Variants in WSB2 observed in about 807,000 individuals in gnomAD.
WSB2 encodes the protein WD repeat and SOCS box containing 2.
WSB2 carries 12 observed loss-of-function variants against 48.8 expected under a neutral mutation model. The observed-to-expected ratio is 0.25, with a 90% confidence interval of 0.16 to 0.40. WSB2 has a LOEUF of 0.40. Among genes scored for constraint, WSB2 ranks in the 10% least tolerant of loss-of-function variants. The probability of loss-of-function intolerance (pLI) is 1.00; values close to 1 mark genes in which losing one functional copy is unlikely to be tolerated. For missense variants in WSB2, 317 were observed against 506.2 expected, an observed-to-expected ratio of 0.63 and a Z score of 3.59; for synonymous variants, 191 against 203.1, an observed-to-expected ratio of 0.94 and a Z score of 0.51.
chr12:118,045,714 GAA>G (rs796232418), intron 2 of WSB2, among the ~76,000 whole-genome samples: 2,337 of 72,100 alleles, frequency 0.032, 54 homozygotes, highest in African/African-American at 0.096. Flanking sequence ...CTGTCTCAAA[GAA>G]AAAAAAAAAA....
At chr12:118,036,603 G>A (rs1443505537) in intron 5 of WSB2, 93 bp from the exon 6 acceptor site, 3 of 1,352,994 alleles carry the variant, frequency 2.2e-6, no homozygotes, top group East Asian at 4.7e-5. Context: ...AAATCTGCAG[G>A]CCCTGCAGCC....
chr12:118,048,140 G>A (rs1787341720), intron 2 of WSB2, among the ~76,000 whole-genome samples: 2 of 152,038 alleles, frequency 1.3e-5, no homozygotes, highest in Admixed American at 6.6e-5. Flanking sequence ...CGTTGCCCAT[G>A]CTGATCTAGA....
chr12:118,051,659 A>T (rs1309452394), intron 2 of WSB2, among the ~76,000 whole-genome samples: 6 of 152,214 alleles, frequency 3.9e-5, no homozygotes, highest in Non-Finnish European at 7.3e-5. Flanking sequence ...TTCTGAGGAA[A>T]TAAAGATATT....
At chr12:118,038,180 T>C in intron 5 of WSB2, 108 bp downstream of exon 5, 2 of 1,035,426 alleles carry the variant, frequency 1.9e-6, no homozygotes, top group South Asian at 1.8e-5. Flanking sequence ...CAGCATGCCT[T>C]CTATTGGGGT....
At chr12:118,053,800 G>A (rs1192502257) in intron 1 of WSB2, among the ~76,000 whole-genome samples, 1 of 152,162 alleles carries the variant, frequency 6.6e-6, no homozygotes, top group Non-Finnish European at 1.5e-5. Context: ...ACTTCCTGAT[G>A]TGTCCATTCC....
At chr12:118,051,276 A>G (rs2031847498) in intron 2 of WSB2, among the ~76,000 whole-genome samples, 1 of 152,198 alleles carries the variant, frequency 6.6e-6, no homozygotes, top group African/African-American at 2.4e-5. Flanking sequence ...TCTGGAAAAC[A>G]GTCTGACACC....
chr12:118,047,137 A>G (rs780053034), intron 2 of WSB2, among the ~76,000 whole-genome samples: 3 of 152,212 alleles, frequency 2.0e-5, no homozygotes, highest in Non-Finnish European at 2.9e-5. Flanking sequence ...ATTAAGGCAT[A>G]TTTATTATTT....
At chr12:118,059,399 G>T (rs2032021884) in intron 1 of WSB2, among the ~76,000 whole-genome samples, 1 of 152,066 alleles carries the variant, frequency 6.6e-6, no homozygotes, top group African/African-American at 2.4e-5. Flanking sequence ...GGCCTAGAGG[G>T]TGCCTGGCAC....
At position 118,034,128 on chromosome 12, in the gene WSB2, T is replaced by G. The variant is rs2137757182; in HGVS notation, c.*68A>C. On this transcript the variant is annotated 3_prime_UTR_variant, in exon 9 of 9. Transcript: ENST00000315436. ...AATGCAAGACCAGATGTTTGGCCCATTATTCCAGCAACTCCCTTTGACAGG... is the reference window on the plus strand; with the variant it reads ...AATGCAAGACCAGATGTTTGGCCCAGTATTCCAGCAACTCCCTTTGACAGG... 6 of 1,591,558 alleles carry G rather than the reference T, an allele frequency of 3.8e-6. No homozygotes were observed. Among genetic ancestry groups the G allele is most frequent in the Non-Finnish European group, 5.2e-6 (6 of 1,162,712 alleles).
chr12:118,034,713 T>A (rs1467841941), intron 8 of WSB2: 1 of 523,688 alleles, frequency 1.9e-6, no homozygotes, highest in Non-Finnish European at 3.4e-6. Flanking sequence ...TGGTTTCCCA[T>A]ATATTATGCA....
chr12:118,042,038 G>T (rs1274341762), intron 4 of WSB2, among the ~76,000 whole-genome samples: 1 of 152,184 alleles, frequency 6.6e-6, no homozygotes, highest in Non-Finnish European at 1.5e-5. Context: ...TTACAGGCGT[G>T]AGCCACTGTG....
chr12:118,061,237 C>A, upstream of WSB2: 1 of 962,540 alleles, frequency 1.0e-6, no homozygotes, highest in Non-Finnish European at 1.2e-6. Context: ...GCAGGGGAAA[C>A]GGAGGGGGGG....
At chr12:118,037,825 C>T (rs924013286) in intron 5 of WSB2, 5 of 155,112 alleles carry the variant, frequency 3.2e-5, no homozygotes, top group African/African-American at 1.2e-4. Flanking sequence ...GAACTGTTCT[C>T]AAATTGTTCT....
At chr12:118,036,127 G>A (rs912005602) in intron 6 of WSB2, 30 of 451,406 alleles carry the variant, frequency 6.6e-5, no homozygotes, top group Middle Eastern at 1.4e-3. Context: ...GCTTGAACCC[G>A]GGAGGTGGAG....
intron 5 of WSB2, among the ~76,000 whole-genome samples, chr12:118,037,438 G>A (rs2031537593): frequency 6.6e-6 from 1 of 152,082 alleles, no homozygotes; most frequent in Non-Finnish European, 1.5e-5. Flanking sequence ...AGGCCCAGGC[G>A]GGCGGATCAC....
chr12:118,052,260 A>AG (rs755776264), intron 2 of WSB2, 50 bp downstream of exon 2: 20 of 1,595,466 alleles, frequency 1.3e-5, no homozygotes, highest in Non-Finnish European at 1.7e-5. Context: ...CAAAAGAACA[A>AG]GGAGTGTTTG....
intron 1 of WSB2, among the ~76,000 whole-genome samples, chr12:118,057,771 T>C (rs2031983332): frequency 1.4e-5 from 2 of 139,520 alleles, no homozygotes; most frequent in South Asian, 4.6e-4. Flanking sequence ...CATATATATA[T>C]TTGGGTTTTT....
intron 1 of WSB2, among the ~76,000 whole-genome samples, chr12:118,058,853 C>A (rs1362040209): frequency 6.6e-6 from 1 of 151,926 alleles, no homozygotes; most frequent in African/African-American, 2.4e-5. Context: ...TGCACCACCA[C>A]GCCTGGTTAA....
intron 1 of WSB2, among the ~76,000 whole-genome samples, chr12:118,052,820 C>A (rs140009270): frequency 1.2e-4 from 18 of 152,082 alleles, no homozygotes; most frequent in African/African-American, 4.3e-4. Flanking sequence ...ATTATGGGGC[C>A]AAAATAGCAA....
Sources: allele counts gnomAD v4.1 joint callset (sites outside exome capture counted in the v4.1 genomes callset), GRCh38; gene constraint gnomAD v4.1.1; transcripts MANE v1.5; gene names NCBI Gene and HGNC (gene_info 2026-07-23, HGNC 2026-07-21).